The following FIG4 variants were observed in gnomAD, a reference collection of about 807,000 sequenced individuals.
FIG4 encodes the protein polyphosphoinositide phosphatase.
In FIG4, 112 loss-of-function variants were observed where a neutral mutation model predicts 118.6. The ratio of observed to expected loss-of-function variants is 0.94; its 90% CI spans 0.81 to 1.11. FIG4 has a LOEUF of 1.11. Ranked by LOEUF, FIG4 falls within the 50% of genes least tolerant of loss-of-function variation. The pLI, the probability that FIG4 is intolerant of heterozygous loss-of-function variation, is 0.00. For synonymous variants in FIG4, 369 were observed against 381.2 expected, an observed-to-expected ratio of 0.97 and a Z score of 0.37; for missense variants, 969 against 1,111.7, an observed-to-expected ratio of 0.87 and a Z score of 1.83.
intron 16 of FIG4, among the ~76,000 whole-genome samples, chr6:109,782,233 G>A (rs1777827500): frequency 1.3e-5 from 2 of 152,176 alleles, no homozygotes; most frequent in South Asian, 4.1e-4. Flanking sequence ...CTGACCCAGT[G>A]CATTGTTCTT....
At chr6:109,774,852 C>A (rs1397362568) in intron 15 of FIG4, among the ~76,000 whole-genome samples, 1 of 152,026 alleles carries the variant, frequency 6.6e-6, no homozygotes, top group East Asian at 1.9e-4. Context: ...TCCCTTCCAC[C>A]CCCACCCCAA....
rs771093157 is a variant in FIG4 at position 109,727,172 on chromosome 6, A to G, written c.353A>G (p.Asp118Gly). ...VLITKRRKMA[D>G]IGGHAIYKVE... The stretch of plus-strand genomic sequence containing the variant: ...ATAACTAAAAGGAGGAAGATGGCGG[A>G]TATTGGAGGTCATGCAATCTATAAG... The change falls in exon 4 of 23, where the codon GAT (aspartate) becomes GGT (glycine). Residue 118 changes from aspartate to glycine, a missense_variant. Physicochemically the swap from Asp to Gly is moderately conservative, Grantham distance 94. Transcript: ENST00000230124. 1.9e-6 allele frequency: 3 copies of G among 1,610,496 alleles called. No individual in the cohort carries two copies. Among genetic ancestry groups the G allele is most frequent in the African/African-American group, 1.3e-5 (1 of 74,826 alleles).
chr6:109,824,939 G>T (rs1305265170), intron 22 of FIG4, 149 bp from the exon 23 acceptor site: 15 of 712,956 alleles, frequency 2.1e-5, no homozygotes, highest in Non-Finnish European at 3.4e-5. Context: ...AACCAGCCTC[G>T]CAAGGACTGG....
At chr6:109,773,328 T>TA (rs1196449458) in intron 15 of FIG4, among the ~76,000 whole-genome samples, 1 of 152,206 alleles carries the variant, frequency 6.6e-6, no homozygotes, top group African/African-American at 2.4e-5. Flanking sequence ...CATGGTATGA[T>TA]ACTAGGGAGC....
At chr6:109,819,460 C>T (rs1010014745) in intron 22 of FIG4, among the ~76,000 whole-genome samples, 1 of 152,088 alleles carries the variant, frequency 6.6e-6, no homozygotes, top group Non-Finnish European at 1.5e-5. Flanking sequence ...AATTATGTAT[C>T]TGTAATTTTG....
chr6:109,718,297 C>T (rs1380494628), intron 3 of FIG4, among the ~76,000 whole-genome samples: 3 of 152,182 alleles, frequency 2.0e-5, no homozygotes, highest in African/African-American at 7.2e-5. Context: ...CACCAGGCCC[C>T]ATCTCCAACA....
chr6:109,697,012 A>G (rs1029825565), intron 1 of FIG4, among the ~76,000 whole-genome samples: 1 of 152,096 alleles, frequency 6.6e-6, no homozygotes, highest in African/African-American at 2.4e-5. Flanking sequence ...TCATATGTAC[A>G]ATTATTACAT....
At chr6:109,726,780 C>G (rs536037190) in intron 3 of FIG4, among the ~76,000 whole-genome samples, 1 of 152,240 alleles carries the variant, frequency 6.6e-6, no homozygotes, top group South Asian at 2.1e-4. Context: ...TCTCTTACTT[C>G]CTTGAGCAGT....
intron 20 of FIG4, 41 bp downstream of exon 20, chr6:109,791,612 T>C (rs768197516): frequency 4.0e-5 from 63 of 1,576,526 alleles, no homozygotes; most frequent in Non-Finnish European, 5.2e-5. Context: ...CCTGAAGCCC[T>C]GGAAAATGAT....
intron 16 of FIG4, among the ~76,000 whole-genome samples, chr6:109,778,006 C>T (rs1253328508): frequency 6.6e-6 from 1 of 152,134 alleles, no homozygotes; most frequent in Non-Finnish European, 1.5e-5. Flanking sequence ...GAGTCATGTA[C>T]TATAATAATA....
At chr6:109,778,591 T>TG (rs1562678712) in intron 16 of FIG4, among the ~76,000 whole-genome samples, 3 of 152,074 alleles carry the variant, frequency 2.0e-5, no homozygotes, top group Non-Finnish European at 2.9e-5. Context: ...AGTTGTTTTT[T>TG]TTTGTTTGTT....
chr6:109,757,020 T>G (rs1405776086), intron 10 of FIG4, among the ~76,000 whole-genome samples: 1 of 152,212 alleles, frequency 6.6e-6, no homozygotes, highest in African/African-American at 2.4e-5. Context: ...ATCACCCGTC[T>G]TCTGCGTCGC....
At chr6:109,728,905 T>C (rs1341811783) in intron 4 of FIG4, among the ~76,000 whole-genome samples, 1 of 152,176 alleles carries the variant, frequency 6.6e-6, no homozygotes, top group Admixed American at 6.5e-5. Flanking sequence ...TGTTGTTGTG[T>C]ACAGTGATTT....
Position 109,825,186 on chromosome 6 carries a change from C to A in FIG4, c.2645C>A (p.Ala882Asp), listed in dbSNP as rs2128402682. 6.2e-7 allele frequency: 1 copy of A among 1,613,924 alleles called. No homozygotes were observed. Among genetic ancestry groups the A allele is most frequent in the East Asian group, 2.2e-5 (1 of 44,880 alleles). The part of the protein sequence containing the change: ...STEIFQAHIQ[A>D]SQGIMQPLGK... ...GAGATCTTCCAAGCCCACATCCAGG[C>A]CAGCCAAGGTATCATGCAGCCCCTA... Residue 882 changes from alanine to aspartate, a missense_variant, in exon 23 of 23, where the codon GCC (alanine) becomes GAC (aspartate). By Grantham distance (126) the Ala-to-Asp change is moderately radical. Around this residue, in one of 3 missense-constraint regions of FIG4, gnomAD observed 330 missense variants for 348.1 expected, o/e 0.95. Transcript: ENST00000230124.
chr6:109,713,854 G>A (rs546817986), intron 1 of FIG4, among the ~76,000 whole-genome samples: 4 of 152,220 alleles, frequency 2.6e-5, no homozygotes, highest in African/African-American at 9.6e-5. Flanking sequence ...GGACACCTAA[G>A]GCTTCCCTGC....
chr6:109,757,453 G>T (rs762614396), intron 10 of FIG4, among the ~76,000 whole-genome samples: 20 of 152,144 alleles, frequency 1.3e-4, no homozygotes, highest in African/African-American at 4.8e-4. Context: ...GGTATTGATG[G>T]AACATATCTC....
At chr6:109,809,716 GA>G (rs903748356) in intron 22 of FIG4, among the ~76,000 whole-genome samples, 3 of 152,188 alleles carry the variant, frequency 2.0e-5, no homozygotes, top group Non-Finnish European at 2.9e-5. Context: ...AGGAATTCAG[GA>G]AGCAAATGTT....
chr6:109,743,093 T>C lies in FIG4; in HGVS notation c.877-17T>C. ...TCTAATAACATAAAATATTTTTCAA[T>C]GCACCTTTCTTTTCAGGGTGATGTT... On this transcript the variant is annotated splice_polypyrimidine_tract_variant and intron_variant, in intron 8 of 22. Coordinates refer to ENST00000230124, the MANE Select transcript of FIG4 (RefSeq NM_014845.6). 2 of 1,605,930 alleles carry C rather than the reference T, an allele frequency of 1.2e-6. No homozygotes were observed. Among genetic ancestry groups the C allele is most frequent in the African/African-American group, 1.3e-5 (1 of 74,818 alleles).
intron 4 of FIG4, among the ~76,000 whole-genome samples, chr6:109,730,466 T>C (rs990396866): frequency 1.3e-4 from 20 of 152,168 alleles, no homozygotes; most frequent in African/African-American, 4.6e-4. Flanking sequence ...GTCCAGACAA[T>C]TGAAACAAGA....
Sources: allele counts gnomAD v4.1 joint callset (sites outside exome capture counted in the v4.1 genomes callset), GRCh38; gene constraint gnomAD v4.1.1; regional missense constraint gnomAD v4.1.1; transcripts MANE v1.5; gene names NCBI Gene and HGNC (gene_info 2026-07-23, HGNC 2026-07-21).